COG5: variants seen among roughly 807,000 people sequenced by gnomAD.
COG5 encodes the protein component of oligomeric golgi complex 5.
Under a neutral mutation model 110.4 loss-of-function variants are expected in COG5, and 86 were observed. The observed-to-expected ratio is 0.78, with a 90% confidence interval of 0.65 to 0.93. COG5 has a LOEUF of 0.93. Among genes scored for constraint, COG5 ranks in the 40% least tolerant of loss-of-function variants. The pLI, the probability that COG5 is intolerant of heterozygous loss-of-function variation, is 0.00. For synonymous variants in COG5, 360 were observed against 334.6 expected (o/e 1.08, Z -0.83); for missense variants, 1,077 against 987.0 (o/e 1.09, Z -1.22).
At position 107,203,438 on chromosome 7, in the gene COG5, A is replaced by G; in HGVS notation, c.*78T>C. 1.1e-6 allele frequency: 1 copy of G among 885,924 alleles called. No individual in the cohort carries two copies. The highest frequency in any genetic ancestry group is 1.9e-6 in the Non-Finnish European group (1 of 517,120). 54.9% of individuals were successfully genotyped at this position (885,924 alleles called of 1,614,324 possible). A position where few individuals can be genotyped will look rare whatever the true frequency, so the allele number is the denominator to read the frequency against. Reference sequence around the variant, plus strand: ...CATTCTTAAAATAGTAGATAGTAGCAGTCTTTTGGAGTATGTGTTTAACTG... The same window carrying G: ...CATTCTTAAAATAGTAGATAGTAGCGGTCTTTTGGAGTATGTGTTTAACTG... On this transcript the variant is annotated 3_prime_UTR_variant, in exon 22 of 22. Coordinates refer to ENST00000297135, the MANE Select transcript of COG5 (RefSeq NM_006348.5).
intron 6 of COG5, among the ~76,000 whole-genome samples, chr7:107,449,208 G>C (rs1195344151): frequency 6.6e-6 from 1 of 152,058 alleles, no homozygotes; most frequent in Non-Finnish European, 1.5e-5. Flanking sequence ...AGAGAATTAG[G>C]ACAAATACCT....
At chr7:107,544,947 G>A (rs1456326603) in intron 5 of COG5, among the ~76,000 whole-genome samples, 2 of 151,960 alleles carry the variant, frequency 1.3e-5, no homozygotes, top group Non-Finnish European at 2.9e-5. Flanking sequence ...GAAACCATAA[G>A]AATGAACCAA....
chr7:107,432,131 C>T (rs1446895025), intron 6 of COG5, among the ~76,000 whole-genome samples: 1 of 152,172 alleles, frequency 6.6e-6, no homozygotes, highest in Non-Finnish European at 1.5e-5. Flanking sequence ...CAATTACCAT[C>T]ATTTTGCCAT....
chr7:107,268,646 T>A (rs1005991333), intron 14 of COG5, among the ~76,000 whole-genome samples: 1 of 152,218 alleles, frequency 6.6e-6, no homozygotes, highest in Non-Finnish European at 1.5e-5. Context: ...TTCTATCCAC[T>A]TGTGCTTTAT....
At chr7:107,501,612 T>C (rs753358135) in intron 6 of COG5, among the ~76,000 whole-genome samples, 19 of 152,194 alleles carry the variant, frequency 1.2e-4, no homozygotes, top group Admixed American at 2.6e-4. Context: ...ATAAATGTGG[T>C]ATGAGTATTA....
chr7:107,406,581 T>C (rs1183856504), intron 7 of COG5, among the ~76,000 whole-genome samples: 1 of 152,100 alleles, frequency 6.6e-6, no homozygotes, highest in East Asian at 1.9e-4. Context: ...TATATATTTA[T>C]TTAGAAACAA....
chr7:107,441,205 G>A (rs1240821524), intron 6 of COG5, among the ~76,000 whole-genome samples: 2 of 137,978 alleles, frequency 1.4e-5, no homozygotes, highest in East Asian at 2.2e-4. Flanking sequence ...GCAGTGAGCC[G>A]AGATCGCGCC....
intron 10 of COG5, among the ~76,000 whole-genome samples, chr7:107,355,985 T>A (rs557344688): frequency 2.6e-5 from 4 of 152,254 alleles, no homozygotes; most frequent in African/African-American, 9.6e-5. Context: ...TAGCACGGTA[T>A]AGTCCCATGG....
rs1173422961 is a variant in COG5, at chr7:107,256,767, G to C, written c.1714C>G (p.Leu572Val). The C allele has an allele frequency of 6.2e-7, 1 of 1,611,086 alleles. No individual in the cohort carries two copies. The highest frequency in any genetic ancestry group is 1.3e-5 in the African/African-American group (1 of 74,828). The change falls in exon 16 of 22, where the codon CTG becomes GTG. Residue 572 changes from leucine (L) to valine (V), a missense_variant. By Grantham distance (32) the Leu-to-Val change is conservative (BLOSUM62 1). Coordinates refer to ENST00000297135, the MANE Select transcript of COG5 (RefSeq NM_006348.5). The part of the protein sequence containing the change: ...KVVSSQSSFP[L>V]AAEQTIISAL... ...GAAATTATAGTTTGCTCAGCTGCCAGTGGGAATGAGCTCTGACTGGAAACA... is the reference window on the plus strand; with the variant it reads ...GAAATTATAGTTTGCTCAGCTGCCACTGGGAATGAGCTCTGACTGGAAACA...
At chr7:107,508,627 C>T (rs930269686) in intron 6 of COG5, among the ~76,000 whole-genome samples, 1 of 152,202 alleles carries the variant, frequency 6.6e-6, no homozygotes, top group Non-Finnish European at 1.5e-5. Context: ...GGGAGGCACC[C>T]CCCAGTAGGG....
chr7:107,443,797 T>C (rs887784189), intron 6 of COG5, among the ~76,000 whole-genome samples: 1 of 152,194 alleles, frequency 6.6e-6, no homozygotes, highest in African/African-American at 2.4e-5. Flanking sequence ...CTTATGTTCC[T>C]ATCCATTCCA....
At chr7:107,362,825 A>AC (rs1444152059) in intron 8 of COG5, among the ~76,000 whole-genome samples, 1 of 151,984 alleles carries the variant, frequency 6.6e-6, no homozygotes, top group Admixed American at 6.6e-5. Context: ...AAAAAAAAAA[A>AC]AAACCCTAAA....
chr7:107,357,043 G>T, intron 10 of COG5, among the ~76,000 whole-genome samples: 1 of 152,056 alleles, frequency 6.6e-6, no homozygotes, highest in Non-Finnish European at 1.5e-5. Context: ...ATTTCCTAAA[G>T]AATATAAGCA....
intron 19 of COG5, among the ~76,000 whole-genome samples, chr7:107,214,135 T>C (rs1178862863): frequency 1.3e-5 from 2 of 151,914 alleles, no homozygotes; most frequent in Non-Finnish European, 2.9e-5. Context: ...ACTGAAAAAT[T>C]AAATAGCAAG....
intron 5 of COG5, among the ~76,000 whole-genome samples, chr7:107,546,496 T>C (rs1212814860): frequency 2.1e-5 from 3 of 143,986 alleles, no homozygotes; most frequent in African/African-American, 7.6e-5. Context: ...AGTACAATGG[T>C]GCAATCTTGG....
In COG5 at chr7:107,270,882, CTTTTTTTTTTTTTTT is replaced by C. The variant is rs56971368; in HGVS notation, c.1575+10403_1575+10417del. ...TTATACTTCATTATCCTAACTAGAA[CTTTTTTTTTTTTTTT>C]TTTTTTTTTTTTGTAGAGATGGGAT... is the stretch of plus-strand genomic sequence containing the variant. On this transcript the variant is annotated intron_variant, in intron 14 of 21. Transcript: ENST00000297135. Among the ~76,000 whole-genome samples, 100 of 68,750 alleles carry C rather than the reference CTTTTTTTTTTTTTTT, an allele frequency of 1.5e-3. 3 individuals carry two copies. The highest frequency in any genetic ancestry group is 5.2e-4 in the East Asian group (1 of 1,928). The allele number at this position is 68,750 out of a possible 152,430, so 45.1% of individuals were successfully genotyped here.
At chr7:107,333,714 CTAT>C (rs145365664) in intron 10 of COG5, among the ~76,000 whole-genome samples, 49 of 152,136 alleles carry the variant, frequency 3.2e-4, no homozygotes, top group African/African-American at 1.2e-3. Context: ...TATGATGTTT[CTAT>C]TATTCTTTTA....
At chr7:107,411,848 A>G (rs1792324229) in intron 7 of COG5, among the ~76,000 whole-genome samples, 2 of 152,158 alleles carry the variant, frequency 1.3e-5, no homozygotes, top group South Asian at 2.1e-4. Flanking sequence ...TTGGAGCCCA[A>G]TACAAACGGA....
At position 107,557,962 on chromosome 7, in the gene COG5, A is replaced by G. The variant is rs553558599; in HGVS notation, c.234+14T>C. 8.7e-6 allele frequency: 14 copies of G among 1,613,920 alleles called. No individual in the cohort carries two copies. In the Admixed American group the frequency reaches 2.2e-4, roughly 25 times the overall value. On this transcript the variant is annotated intron_variant, in intron 2 of 21. Transcript: ENST00000297135. ...GGCTGAATAATCCATAGGGACCCAGAAGATCAGAATTACCTGTAAGTGTAG... is the reference window on the plus strand; with the variant it reads ...GGCTGAATAATCCATAGGGACCCAGGAGATCAGAATTACCTGTAAGTGTAG...
Sources: gnomAD v4.1 joint callset for allele counts (sites outside exome capture counted in the v4.1 genomes callset) on GRCh38, gnomAD v4.1.1 for gene constraint, MANE v1.5 for transcripts, NCBI Gene and HGNC (gene_info 2026-07-23, HGNC 2026-07-21) for gene names.